PLD5: variants seen among roughly 807,000 people sequenced by gnomAD.
PLD5 encodes phospholipase D family member 5, also known as inactive phospholipase D5.
In PLD5, 36 loss-of-function variants were observed where a neutral mutation model predicts 61.1. That is an observed-to-expected ratio of 0.59 (90% CI 0.45 to 0.78). The LOEUF (loss-of-function observed/expected upper bound fraction) is 0.78, where lower values mean the gene tolerates loss of function less well. PLD5 is among the 30% of genes least tolerant of loss of function. PLD5 has a pLI of 0.00. For missense variants in PLD5, 515 were observed against 644.4 expected, an observed-to-expected ratio of 0.80 and a Z score of 2.17; for synonymous variants, 243 against 242.8, an observed-to-expected ratio of 1.00 and a Z score of -0.01.
intron 1 of PLD5, among the ~76,000 whole-genome samples, chr1:242,403,856 T>A (rs1664078613): frequency 6.6e-6 from 1 of 152,172 alleles, no homozygotes; most frequent in African/African-American, 2.4e-5. Flanking sequence ...CTCTTCTCAA[T>A]CCCTTCCTCA....
intron 1 of PLD5, among the ~76,000 whole-genome samples, chr1:242,501,704 C>T (rs1013701091): frequency 1.3e-5 from 2 of 151,646 alleles, no homozygotes; most frequent in Non-Finnish European, 2.9e-5. Context: ...ACAATGCATT[C>T]TATGGCTGGA....
chr1:242,339,116 G>C (rs930472586), intron 2 of PLD5, among the ~76,000 whole-genome samples: 2 of 151,752 alleles, frequency 1.3e-5, no homozygotes, highest in African/African-American at 4.8e-5. Flanking sequence ...ATTCTACTAT[G>C]GAGGAATAAT....
chr1:242,322,267 A>G (rs371418571), intron 2 of PLD5, among the ~76,000 whole-genome samples: 1 of 152,212 alleles, frequency 6.6e-6, no homozygotes, highest in East Asian at 1.9e-4. Context: ...TTGGCTGCAC[A>G]GTCCTCCTGT....
chr1:242,186,388 G>T (rs895258060), intron 5 of PLD5, among the ~76,000 whole-genome samples: 5 of 152,064 alleles, frequency 3.3e-5, no homozygotes, highest in Admixed American at 3.3e-4. Flanking sequence ...TCACCATGTT[G>T]GTCAGGCTGG....
chr1:242,274,401 A>G (rs1015755000), intron 3 of PLD5, among the ~76,000 whole-genome samples: 1 of 152,166 alleles, frequency 6.6e-6, no homozygotes, highest in South Asian at 2.1e-4. Flanking sequence ...AACAAAAATA[A>G]TAAAAGTCCT....
chr1:242,225,066 G>A (rs1287306219), intron 4 of PLD5, among the ~76,000 whole-genome samples: 1 of 152,194 alleles, frequency 6.6e-6, no homozygotes, highest in African/African-American at 2.4e-5. Context: ...TTGAGTCATA[G>A]AGTATGCAGC....
At chr1:242,247,141 G>A (rs940649238) in intron 4 of PLD5, among the ~76,000 whole-genome samples, 2 of 151,956 alleles carry the variant, frequency 1.3e-5, no homozygotes, top group Admixed American at 6.6e-5. Flanking sequence ...CCGCCACCAT[G>A]CCCGGCTAAT....
intron 5 of PLD5, among the ~76,000 whole-genome samples, chr1:242,196,128 C>G (rs1427866101): frequency 6.6e-6 from 1 of 152,010 alleles, no homozygotes; most frequent in Non-Finnish European, 1.5e-5. Flanking sequence ...AAAAATGTTA[C>G]CTAGACAGAT....
At chr1:242,505,168 TAA>T (rs1201896197) in intron 1 of PLD5, among the ~76,000 whole-genome samples, 15 of 152,174 alleles carry the variant, frequency 9.9e-5, no homozygotes. Context: ...AAAAATTTTT[TAA>T]AAATAAAATT....
chr1:242,275,774 T>C (rs1419218464), intron 3 of PLD5, among the ~76,000 whole-genome samples: 1 of 152,168 alleles, frequency 6.6e-6, no homozygotes, highest in Non-Finnish European at 1.5e-5. Flanking sequence ...GTGGAGCCTA[T>C]GGCAGAATCC....
intron 1 of PLD5, among the ~76,000 whole-genome samples, chr1:242,424,524 C>G (rs184409888): frequency 6.6e-6 from 1 of 151,570 alleles, no homozygotes; most frequent in African/African-American, 2.4e-5. Flanking sequence ...AAACTTATTC[C>G]AAATTTCCTT....
At chr1:242,207,826 A>ATATATATTTATATATT (rs1388865455) in intron 5 of PLD5, among the ~76,000 whole-genome samples, 1 of 46,762 alleles carries the variant, frequency 2.1e-5, no homozygotes, top group Admixed American at 3.6e-4. Flanking sequence ...TTATATATTT[A>ATATATATTTATATATT]TATATATTTA....
intron 5 of PLD5, among the ~76,000 whole-genome samples, chr1:242,177,346 A>G (rs531108387): frequency 2.0e-5 from 3 of 152,264 alleles, no homozygotes; most frequent in African/African-American, 7.2e-5. Context: ...GTTCTCACTC[A>G]TAAGTGAGAG....
chr1:242,236,144 T>C (rs1444715675), intron 4 of PLD5, among the ~76,000 whole-genome samples: 2 of 152,174 alleles, frequency 1.3e-5, no homozygotes, highest in African/African-American at 4.8e-5. Flanking sequence ...AGTGAGAAGA[T>C]GGCTGTCTAT....
chr1:242,395,991 T>C (rs6663937), intron 1 of PLD5, among the ~76,000 whole-genome samples: 20,614 of 152,102 alleles, frequency 0.14, 2,109 homozygotes, highest in African/African-American at 0.28. Context: ...GAGGTTGCAG[T>C]GAGGCGAGAT....
chr1:242,295,092 A>G (rs1312002501), intron 2 of PLD5, among the ~76,000 whole-genome samples: 1 of 152,156 alleles, frequency 6.6e-6, no homozygotes, highest in African/African-American at 2.4e-5. Flanking sequence ...TTCACACTCA[A>G]AGTCAAGTGA....
chr1:242,148,551 A>G (rs1225361139), intron 5 of PLD5, among the ~76,000 whole-genome samples: 2 of 151,960 alleles, frequency 1.3e-5, no homozygotes, highest in East Asian at 3.8e-4. Flanking sequence ...TTGGAATTGC[A>G]TTGAACCTAT....
At chr1:242,525,292 TGTCCACCTAGAACCGGGCTCCCC>T (rs768566104), upstream of PLD5, among the ~76,000 whole-genome samples, 398 of 152,272 alleles carry the variant, frequency 2.6e-3, 2 homozygotes, top group Non-Finnish European at 4.3e-3. Flanking sequence ...CAGCCCTCGG[TGTCCACCTAGAACCGGGCTCCCC>T]GGGCCGCACC....
At chr1:242,512,178 A>T (rs577044432) in intron 1 of PLD5, among the ~76,000 whole-genome samples, 4 of 151,706 alleles carry the variant, frequency 2.6e-5, no homozygotes, top group Non-Finnish European at 4.4e-5. Context: ...TTGGGAGGCC[A>T]AGGAGGGCAG....
Sources: allele counts gnomAD v4.1 joint callset (sites outside exome capture counted in the v4.1 genomes callset), GRCh38; gene constraint gnomAD v4.1.1; transcripts MANE v1.5; gene names NCBI Gene and HGNC (gene_info 2026-07-23, HGNC 2026-07-21).